Variants in FBLN2 observed in about 807,000 individuals in gnomAD.
The protein encoded by FBLN2 is fibulin-2.
Under a neutral mutation model 123.7 loss-of-function variants are expected in FBLN2, and 81 were observed. The observed-to-expected ratio is 0.65, with a 90% CI of 0.55 to 0.79. The LOEUF is 0.79. Among genes scored for constraint, FBLN2 ranks in the 30% least tolerant of loss-of-function variants. The probability of loss-of-function intolerance (pLI) is 0.00; values close to 1 mark genes in which losing one functional copy is unlikely to be tolerated. For synonymous variants in FBLN2, 699 were observed against 701.4 expected (o/e 1.00, Z 0.05); for missense variants, 1,603 against 1,681.3 (o/e 0.95, Z 0.81).
intron 1 of FBLN2, among the ~76,000 whole-genome samples, chr3:13,560,201 C>G (rs1465248356): frequency 1.3e-5 from 2 of 152,112 alleles, no homozygotes; most frequent in African/African-American, 4.8e-5. Context: ...TCAGCTCTTA[C>G]CTAAAATTTA....
At chr3:13,563,366 T>C (rs1703661535) in intron 1 of FBLN2, among the ~76,000 whole-genome samples, 1 of 152,262 alleles carries the variant, frequency 6.6e-6, no homozygotes, top group South Asian at 2.1e-4. Flanking sequence ...GCCTGCCCTT[T>C]GCTGGCAGGT....
intron 1 of FBLN2, among the ~76,000 whole-genome samples, chr3:13,565,776 C>T (rs892356511): frequency 1.3e-5 from 2 of 152,166 alleles, no homozygotes; most frequent in South Asian, 2.1e-4. Flanking sequence ...GATGGCAGCC[C>T]GGTGACCACC....
At position 13,629,155 on chromosome 3, in the gene FBLN2, C is replaced by A; in HGVS notation, c.2714-9C>A. ...CCAGGCCTCAAGGTACCCTGCTCAC[C>A]CCCCACAGACGTGAATGAGTGTGAG... On this transcript the variant is annotated splice_polypyrimidine_tract_variant and intron_variant, in intron 12 of 17. Transcript: ENST00000404922. 6.2e-7 allele frequency: 1 copy of A among 1,612,928 alleles called. No homozygotes were observed. The highest frequency in any genetic ancestry group is 8.5e-7 in the Non-Finnish European group (1 of 1,179,558).
chr3:13,610,885 C>T (rs924299565), intron 4 of FBLN2, among the ~76,000 whole-genome samples: 22 of 136,346 alleles, frequency 1.6e-4, no homozygotes, highest in African/African-American at 6.4e-4. Context: ...GCAGGAGAGC[C>T]CCCTTGTTTT....
At chr3:13,568,295 T>TGCATCCTATCCATCAGCAAA (rs1703810093) in intron 1 of FBLN2, among the ~76,000 whole-genome samples, 1 of 152,184 alleles carries the variant, frequency 6.6e-6, no homozygotes, top group African/African-American at 2.4e-5. Context: ...GCTCCTGGAC[T>TGCATCCTATCCATCAGCAAA]TCTGTCTTCT....
intron 2 of FBLN2, among the ~76,000 whole-genome samples, chr3:13,604,137 T>C (rs1404952403): frequency 6.6e-6 from 1 of 152,236 alleles, no homozygotes. Context: ...ATATTAGCCC[T>C]TTGTCAGATG....
In FBLN2 at chr3:13,637,610, G is replaced by A. The variant is rs1006451160; in HGVS notation, c.3387G>A (p.Ser1129=). ...ATGACTTCCTGGAGTGCCAGAACTC[G>A]CCAGCGCGCATCACGCACTACCAGC... ...TCHDFLECQN[S]PARITHYQLN... Residue 1129 remains serine (S), a synonymous_variant, in exon 18 of 18, where the codon TCG becomes TCA. Transcript: ENST00000404922. 25 of 1,613,652 alleles carry A rather than the reference G, an allele frequency of 1.5e-5. No homozygotes were observed. The highest frequency in any genetic ancestry group is 3.3e-5 in the Admixed American group (2 of 60,004).
At chr3:13,564,470 A>T (rs934815578) in intron 1 of FBLN2, among the ~76,000 whole-genome samples, 3 of 152,216 alleles carry the variant, frequency 2.0e-5, no homozygotes, top group African/African-American at 7.2e-5. Flanking sequence ...GCCTCATCAA[A>T]TGGAGGTTGC....
At chr3:13,609,692 G>GGGGGGGGGGGGGGGGGGT in intron 4 of FBLN2, 50 bp downstream of exon 4, 3 of 508,394 alleles carry the variant, frequency 5.9e-6, no homozygotes, top group Non-Finnish European at 7.5e-6. Context: ...GGCGGGGCGG[G>GGGGGGGGGGGGGGGGGGT]AGGCTGGCCT....
At chr3:13,596,176 T>C (rs1243796136) in intron 2 of FBLN2, among the ~76,000 whole-genome samples, 1 of 152,196 alleles carries the variant, frequency 6.6e-6, no homozygotes, top group Non-Finnish European at 1.5e-5. Context: ...TCTTGCTCTG[T>C]CTCCAGGCTG....
intron 2 of FBLN2, among the ~76,000 whole-genome samples, chr3:13,591,768 A>G (rs1038950688): frequency 6.6e-6 from 1 of 152,234 alleles, no homozygotes; most frequent in Admixed American, 6.5e-5. Context: ...CCAAGGTCAT[A>G]AAGATATTTT....
intron 11 of FBLN2, among the ~76,000 whole-genome samples, chr3:13,628,461 C>G (rs1706126940): frequency 6.6e-6 from 1 of 152,180 alleles, no homozygotes; most frequent in African/African-American, 2.4e-5. Flanking sequence ...TGAGACTTAA[C>G]AGTTTTACAG....
rs776956534 is a variant in FBLN2, at chr3:13,571,644, C to A, written c.1289C>A (p.Pro430His). 4 of 1,599,164 alleles carry A rather than the reference C, an allele frequency of 2.5e-6. No homozygotes were observed. The highest frequency in any genetic ancestry group is 3.4e-6 in the Non-Finnish European group (4 of 1,172,430). Residue 430 changes from proline (P) to histidine (H), a missense_variant, in exon 2 of 18, where the codon CCC (proline) becomes CAC (histidine). Transcript: ENST00000404922. ...GACCCCAACTCTGTCCATTCTATCC[C>A]CAGAAGTAGCCCTGAAGGTAAGACC... is the stretch of plus-strand genomic sequence containing the variant. ...DTDPNSVHSIPRSSPEGSTKD... is the reference protein window; with the variant it reads ...DTDPNSVHSIHRSSPEGSTKD...
intron 1 of FBLN2, 139 bp from the exon 2 acceptor site, chr3:13,570,176 A>T: frequency 2.3e-6 from 2 of 855,462 alleles, no homozygotes; most frequent in Admixed American, 3.0e-5. Flanking sequence ...TGTGTGAGGC[A>T]GTGCTTAGTG....
At chr3:13,558,523 A>G (rs1307152698) in intron 1 of FBLN2, among the ~76,000 whole-genome samples, 1 of 152,018 alleles carries the variant, frequency 6.6e-6, no homozygotes, top group Non-Finnish European at 1.5e-5. Flanking sequence ...ACTTCAGGGA[A>G]GCCTTTTCTG....
intron 14 of FBLN2, 87 bp from the exon 15 acceptor site, chr3:13,630,612 G>T: frequency 2.7e-6 from 3 of 1,105,660 alleles, no homozygotes; most frequent in Non-Finnish European, 4.0e-6. Flanking sequence ...CGGGGAGCTT[G>T]GTGGGCCTGG....
chr3:13,622,805 C>T (rs527340870), intron 9 of FBLN2, among the ~76,000 whole-genome samples: 1 of 152,340 alleles, frequency 6.6e-6, no homozygotes, highest in African/African-American at 2.4e-5. Flanking sequence ...CGGAGATAGA[C>T]CCAAAGTAGC....
At chr3:13,555,525 G>GCTCACTGCAAGCTCCGC (rs1351730034) in intron 1 of FBLN2, among the ~76,000 whole-genome samples, 1 of 151,904 alleles carries the variant, frequency 6.6e-6, no homozygotes, top group Non-Finnish European at 1.5e-5. Context: ...CGCCATCTCG[G>GCTCACTGCAAGCTCCGC]CTCACTGCAA....
chr3:13,605,130 TTGCCCTCAGCACGAATGTCTAGGCATTC>T (rs1157876186), intron 2 of FBLN2, among the ~76,000 whole-genome samples: 2 of 152,194 alleles, frequency 1.3e-5, no homozygotes, highest in Non-Finnish European at 2.9e-5. Flanking sequence ...CTGTTACTTG[TTGCCCTCAGCACGAATGTCTAGGCATTC>T]TGTATAAACT....
Sources: allele counts gnomAD v4.1 joint callset (sites outside exome capture counted in the v4.1 genomes callset), GRCh38; gene constraint gnomAD v4.1.1; transcripts MANE v1.5; gene names NCBI Gene and HGNC (gene_info 2026-07-23, HGNC 2026-07-21).